Variants in RBPJ observed in about 807,000 individuals in gnomAD.
The protein encoded by RBPJ is recombination signal binding protein for immunoglobulin kappa J region, also known as recombining binding protein suppressor of hairless.
In RBPJ, 9 loss-of-function variants were observed where a neutral mutation model predicts 67.8. The observed-to-expected ratio is 0.13, with a 90% confidence interval of 0.08 to 0.23. The LOEUF (loss-of-function observed/expected upper bound fraction) is 0.23. Among genes scored for constraint, RBPJ ranks in the 10% least tolerant of loss-of-function variants. RBPJ has a pLI of 1.00. For synonymous variants in RBPJ, 198 were observed against 203.3 expected (o/e 0.97, Z 0.22); for missense variants, 305 against 595.6 (o/e 0.51, Z 5.08).
intron 1 of RBPJ, among the ~76,000 whole-genome samples, chr4:26,376,572 G>A (rs1729764111): frequency 6.6e-6 from 1 of 152,142 alleles, no homozygotes; most frequent in African/African-American, 2.4e-5. Context: ...TGGCTATTGT[G>A]AATAATGGTA....
chr4:26,370,474 C>T (rs867484787), intron 1 of RBPJ, among the ~76,000 whole-genome samples: 6 of 152,112 alleles, frequency 3.9e-5, no homozygotes, highest in Admixed American at 2.0e-4. Context: ...GAGATCTGAA[C>T]ATGGTGTATC....
the RBPJ span, among the ~76,000 whole-genome samples, chr4:26,137,443 C>T: frequency 1.3e-5 from 2 of 152,168 alleles, no homozygotes; most frequent in Admixed American, 6.5e-5. Context: ...AGGGATGCAG[C>T]AGATGACACT....
At chr4:26,406,608 G>A (rs1247068938) in intron 3 of RBPJ, among the ~76,000 whole-genome samples, 1 of 152,216 alleles carries the variant, frequency 6.6e-6, no homozygotes, top group Non-Finnish European at 1.5e-5. Context: ...TGTCCCTTAC[G>A]CATTTGGGTC....
the RBPJ span, among the ~76,000 whole-genome samples, chr4:26,116,798 C>T: frequency 6.6e-6 from 1 of 152,228 alleles, no homozygotes; most frequent in Non-Finnish European, 1.5e-5. Context: ...AGCTACTCCA[C>T]CTTCTCTGTC....
intron 2 of RBPJ, among the ~76,000 whole-genome samples, chr4:26,390,747 G>A (rs959779979): frequency 3.9e-5 from 6 of 152,148 alleles, no homozygotes; most frequent in African/African-American, 1.4e-4. Context: ...TGTTCTTCAG[G>A]TAGAAGACCT....
chr4:26,313,807 G>C (rs1282502798), intron 1 of RBPJ, among the ~76,000 whole-genome samples: 1 of 152,100 alleles, frequency 6.6e-6, no homozygotes, highest in Admixed American at 6.5e-5. Flanking sequence ...ATGCACTCCA[G>C]CCTGGGCATC....
intron 1 of RBPJ, among the ~76,000 whole-genome samples, chr4:26,306,314 T>C (rs1560253934): frequency 6.6e-6 from 1 of 152,156 alleles, no homozygotes; most frequent in Non-Finnish European, 1.5e-5. Flanking sequence ...GGATGACTTT[T>C]ATCAGGTTGA....
At chr4:26,360,144 A>G (rs1227786922) in intron 1 of RBPJ, among the ~76,000 whole-genome samples, 2 of 152,244 alleles carry the variant, frequency 1.3e-5, no homozygotes. Flanking sequence ...TGTAAATACA[A>G]TTCTCAAAAT....
In RBPJ at chr4:26,286,835, G is replaced by A. The variant is rs778702112; in HGVS notation, c.-166-75611G>A. Among the ~76,000 whole-genome samples the A allele has an allele frequency of 5.4e-4, 82 of 150,502 alleles. 1 individual carries two copies. Among genetic ancestry groups the A allele is most frequent in the Non-Finnish European group, 7.8e-4 (53 of 67,872 alleles). ...GAGCCTCCCTCCGTCACCCAGGCTG[G>A]AGTGCAGTGGCCACTATCTCTGTTC... On this transcript the variant is annotated intron_variant, in intron 1 of 4. Coordinates refer to the RBPJ transcript ENST00000512351.
At chr4:26,242,953 G>A (rs767596526) in intron 1 of RBPJ, among the ~76,000 whole-genome samples, 5 of 152,124 alleles carry the variant, frequency 3.3e-5, no homozygotes, top group Non-Finnish European at 7.4e-5. Context: ...TTTTAAAAGC[G>A]CGGTGGCTCA....
At chr4:26,422,705 C>T (rs956086094) in intron 5 of RBPJ, among the ~76,000 whole-genome samples, 2 of 152,124 alleles carry the variant, frequency 1.3e-5, no homozygotes, top group African/African-American at 4.8e-5. Context: ...ATTTCAAACA[C>T]TCTCAAGTAG....
upstream of RBPJ, among the ~76,000 whole-genome samples, chr4:26,319,208 A>T (rs1460296778): frequency 6.6e-6 from 1 of 152,004 alleles, no homozygotes; most frequent in Non-Finnish European, 1.5e-5. Flanking sequence ...GTGGAGGGCG[A>T]CAGGAAACCT....
At chr4:26,238,249 A>T (rs765775228) in intron 1 of RBPJ, among the ~76,000 whole-genome samples, 29 of 152,070 alleles carry the variant, frequency 1.9e-4, no homozygotes, top group Admixed American at 3.9e-4. Context: ...TTTTGTAGAG[A>T]CAGAGTTTTG....
rs1464374237 is a variant in RBPJ at position 26,432,030 on chromosome 4, C to G, written c.*1023C>G. 1 of 152,170 alleles carries G rather than the reference C, an allele frequency of 6.6e-6. No individual in the cohort carries two copies. The highest frequency in any genetic ancestry group is 2.4e-5 in the African/African-American group (1 of 41,440). The allele number at this position is 152,170 out of a possible 1,614,324, so 9.4% of individuals were successfully genotyped here. ...GTTCAGGTTTTTCCCCCCTCCTAAT[C>G]TTGTACATAACTTGTATTATGTGTA... On this transcript the variant is annotated 3_prime_UTR_variant, in exon 11 of 11. Coordinates refer to ENST00000355476, the MANE Select transcript of RBPJ (RefSeq NM_015874.6).
At chr4:26,154,375 A>AGG in the RBPJ span, among the ~76,000 whole-genome samples, 1 of 152,332 alleles carries the variant, frequency 6.6e-6, no homozygotes, top group African/African-American at 2.4e-5. Context: ...GTGTCTGTGC[A>AGG]GGGTCTGGCA....
At chr4:26,281,915 A>G (rs1283120562) in intron 1 of RBPJ, among the ~76,000 whole-genome samples, 2 of 152,202 alleles carry the variant, frequency 1.3e-5, no homozygotes, top group East Asian at 1.9e-4. Flanking sequence ...CCTTTGTTCT[A>G]ATATAACACT....
chr4:26,133,483 C>T, the RBPJ span, among the ~76,000 whole-genome samples: 1 of 152,208 alleles, frequency 6.6e-6, no homozygotes, highest in Non-Finnish European at 1.5e-5. Context: ...TCACAGGGGG[C>T]CCCTAACCCC....
chr4:26,283,565 A>G (rs1721353380), intron 1 of RBPJ, among the ~76,000 whole-genome samples: 1 of 152,024 alleles, frequency 6.6e-6, no homozygotes, highest in Admixed American at 6.6e-5. Flanking sequence ...AATAAAATAA[A>G]ATAAAGATAT....
intron 1 of RBPJ, among the ~76,000 whole-genome samples, chr4:26,212,301 C>T (rs1423658294): frequency 6.6e-6 from 1 of 152,006 alleles, no homozygotes; most frequent in Non-Finnish European, 1.5e-5. Flanking sequence ...GTCCATGGTT[C>T]CTGGCTCATA....
Sources: allele counts gnomAD v4.1 joint callset (sites outside exome capture counted in the v4.1 genomes callset), GRCh38; gene constraint gnomAD v4.1.1; transcripts MANE v1.5; gene names NCBI Gene and HGNC (gene_info 2026-07-23, HGNC 2026-07-21).